The following UGT1A7 variants were observed in gnomAD, a reference collection of about 807,000 sequenced individuals.
UGT1A7 encodes the protein UDP-glucuronosyltransferase 1A7.
In UGT1A7, 33 loss-of-function variants were observed where a neutral mutation model predicts 45.6. The ratio of observed to expected loss-of-function variants is 0.72; its 90% confidence interval spans 0.55 to 0.97. UGT1A7 has a LOEUF of 0.97. Ranked by LOEUF, UGT1A7 falls within the 50% of genes least tolerant of loss-of-function variation. UGT1A7 has a pLI of 0.00. For synonymous variants in UGT1A7, 274 were observed against 250.6 expected (o/e 1.09, Z -0.88); for missense variants, 684 against 666.2 (o/e 1.03, Z -0.29).
At chr2:233,705,353 T>C (rs1442093657) in intron 1 of UGT1A7, among the ~76,000 whole-genome samples, 1 of 152,192 alleles carries the variant, frequency 6.6e-6, no homozygotes, top group African/African-American at 2.4e-5. Flanking sequence ...TCTTATTACA[T>C]GGGGTTTTGC....
At chr2:233,725,046 G>C in intron 1 of UGT1A7, among the ~76,000 whole-genome samples, 1 of 147,958 alleles carries the variant, frequency 6.8e-6, no homozygotes, top group Non-Finnish European at 1.5e-5. Flanking sequence ...AACCAGTCAG[G>C]CGTGGCGGCG....
intron 1 of UGT1A7, among the ~76,000 whole-genome samples, chr2:233,709,659 T>TAGTA (rs2076086145): frequency 6.6e-6 from 1 of 152,242 alleles, no homozygotes; most frequent in Non-Finnish European, 1.5e-5. Context: ...GGGCTTTGTA[T>TAGTA]AGTAGGTTTT....
chr2:233,753,997 G>A (rs1199006264), intron 1 of UGT1A7, among the ~76,000 whole-genome samples: 1 of 152,188 alleles, frequency 6.6e-6, no homozygotes, highest in East Asian at 1.9e-4. Flanking sequence ...CCAAGTTTGG[G>A]TAATTTGTTA....
At chr2:233,688,603 A>G (rs111635928) in intron 1 of UGT1A7, among the ~76,000 whole-genome samples, 1 of 152,192 alleles carries the variant, frequency 6.6e-6, no homozygotes, top group Non-Finnish European at 1.5e-5. Flanking sequence ...TTACAGAATA[A>G]CACCCTCAGC....
chr2:233,748,097 C>T (rs1693865364), intron 1 of UGT1A7: 9 of 1,612,658 alleles, frequency 5.6e-6, no homozygotes, highest in Admixed American at 1.7e-5. Flanking sequence ...TTCGTGCCTT[C>T]ATCCAATCAA....
At chr2:233,697,514 T>A (rs1185540245) in intron 1 of UGT1A7, among the ~76,000 whole-genome samples, 5 of 151,616 alleles carry the variant, frequency 3.3e-5, no homozygotes, top group African/African-American at 1.2e-4. Flanking sequence ...TTTTTTTTTT[T>A]TAAAAAACTT....
intron 1 of UGT1A7, among the ~76,000 whole-genome samples, chr2:233,703,429 CTCTATT>C (rs2075738340): frequency 6.6e-6 from 1 of 151,928 alleles, no homozygotes; most frequent in Admixed American, 6.6e-5. Context: ...TCTATTGCTT[CTCTATT>C]TCTATGTCGT....
At chr2:233,737,382 C>T (rs751071024) in intron 1 of UGT1A7, among the ~76,000 whole-genome samples, 21 of 152,224 alleles carry the variant, frequency 1.4e-4, no homozygotes, top group Non-Finnish European at 2.6e-4. Flanking sequence ...GAGAGAATCT[C>T]CTTGTCTGCC....
chr2:233,729,231 C>T (rs777258735), intron 1 of UGT1A7: 1 of 1,614,178 alleles, frequency 6.2e-7, no homozygotes, highest in East Asian at 2.2e-5. Context: ...TGGTGGTGCC[C>T]ATTGATGGCA....
intron 1 of UGT1A7, among the ~76,000 whole-genome samples, chr2:233,724,201 G>A: frequency 7.6e-6 from 1 of 131,764 alleles, no homozygotes; most frequent in South Asian, 2.7e-4. Flanking sequence ...TGGCTGGCCG[G>A]GCTGAGGGGC....
intron 1 of UGT1A7, among the ~76,000 whole-genome samples, chr2:233,707,634 C>T (rs2075978747): frequency 6.6e-6 from 1 of 151,620 alleles, no homozygotes; most frequent in South Asian, 2.1e-4. Flanking sequence ...GAATATATCC[C>T]ATTGTATGAA....
intron 1 of UGT1A7, chr2:233,692,179 T>C (rs990678546): frequency 1.3e-5 from 2 of 152,300 alleles, no homozygotes; most frequent in African/African-American, 4.8e-5. Context: ...TCAGAGAGCT[T>C]TCAGGTTGCT....
Position 233,726,984 on chromosome 2 carries a change from G to A in UGT1A7, c.856-40050G>A, listed in dbSNP as rs570702921. Among the ~76,000 whole-genome samples, 9 of 152,176 alleles carry A rather than the reference G, an allele frequency of 5.9e-5. No individual in the cohort carries two copies. The East Asian group carries it at 1.2e-3, about 20-fold the overall frequency. ...GAGCAAAAGTTTTAGATTTTGATGA[G>A]GTTCTTTCTAGCAAAGTTTTATCAT... On this transcript the variant is annotated intron_variant, in intron 1 of 4. Transcript: ENST00000373426.
chr2:233,735,799 G>A (rs61296714), intron 1 of UGT1A7, among the ~76,000 whole-genome samples: 5,119 of 152,182 alleles, frequency 0.034, 99 homozygotes, highest in African/African-American at 0.051. Context: ...GAATTTCTGG[G>A]TTGAAAATTC....
At chr2:233,772,210 A>T in intron 4 of UGT1A7, 52 bp from the exon 5 acceptor site, 1 of 1,610,530 alleles carries the variant, frequency 6.2e-7, no homozygotes, top group Non-Finnish European at 8.5e-7. Flanking sequence ...TAAAGAGAGG[A>T]TTGTTCATAC....
chr2:233,766,972 C>T, intron 1 of UGT1A7, 62 bp from the exon 2 acceptor site: 2 of 1,611,258 alleles, frequency 1.2e-6, no homozygotes, highest in South Asian at 1.1e-5. Context: ...TCATAACTTA[C>T]TGTATGTAGT....
At chr2:233,757,812 T>G (rs772268398) in intron 1 of UGT1A7, among the ~76,000 whole-genome samples, 1 of 151,794 alleles carries the variant, frequency 6.6e-6, no homozygotes, top group Non-Finnish European at 1.5e-5. Flanking sequence ...TGAAAGGAGC[T>G]GGTAGTGTGT....
At chr2:233,759,585 G>C in intron 1 of UGT1A7, among the ~76,000 whole-genome samples, 1 of 148,700 alleles carries the variant, frequency 6.7e-6, no homozygotes, top group Non-Finnish European at 1.5e-5. Context: ...ACCCCAGCAC[G>C]CCCCCCACCC....
chr2:233,757,543 T>C (rs1575752289), intron 1 of UGT1A7, among the ~76,000 whole-genome samples: 1 of 117,334 alleles, frequency 8.5e-6, no homozygotes, highest in African/African-American at 3.6e-5. Context: ...GGAATATATA[T>C]ATATATATAT....
Sources: allele counts gnomAD v4.1 joint callset (sites outside exome capture counted in the v4.1 genomes callset), GRCh38; gene constraint gnomAD v4.1.1; transcripts MANE v1.5; gene names NCBI Gene and HGNC (gene_info 2026-07-23, HGNC 2026-07-21).